The following PCNX2 variants were observed in gnomAD, a reference collection of about 807,000 sequenced individuals.
PCNX2 encodes the protein pecanex-like protein 2.
PCNX2 carries 168 observed loss-of-function variants against 223.8 expected under a neutral mutation model. That is an observed-to-expected ratio of 0.75 (90% CI 0.66 to 0.85). The LOEUF (loss-of-function observed/expected upper bound fraction) is 0.85. PCNX2 is among the 40% of genes least tolerant of loss of function. PCNX2 has a pLI of 0.00. For synonymous variants in PCNX2, 1,006 were observed against 1,052.6 expected (o/e 0.96, Z 0.86); for missense variants, 2,507 against 2,675.5 (o/e 0.94, Z 1.39).
intron 15 of PCNX2, among the ~76,000 whole-genome samples, chr1:233,191,299 C>T (rs966242824): frequency 6.6e-6 from 1 of 152,136 alleles, no homozygotes; most frequent in African/African-American, 2.4e-5. Flanking sequence ...AAATATGTGT[C>T]GACTATCACA....
intron 26 of PCNX2, among the ~76,000 whole-genome samples, chr1:233,020,470 G>A (rs932081845): frequency 6.6e-5 from 10 of 152,252 alleles, no homozygotes; most frequent in South Asian, 6.2e-4. Flanking sequence ...CTGAAAGCAG[G>A]ACCCCTCCTG....
intron 21 of PCNX2, among the ~76,000 whole-genome samples, chr1:233,116,026 A>G (rs1675387307): frequency 2.0e-5 from 3 of 152,292 alleles, no homozygotes; most frequent in Admixed American, 6.5e-5. Flanking sequence ...AAGCAAAGAA[A>G]TTACCAGAAA....
intron 1 of PCNX2, among the ~76,000 whole-genome samples, chr1:233,266,922 C>T (rs996935317): frequency 1.3e-5 from 2 of 152,148 alleles, no homozygotes; most frequent in African/African-American, 4.8e-5. Context: ...ACCAACTAAG[C>T]AGTTACAGTT....
At position 232,986,437 on chromosome 1, in the gene PCNX2, T is replaced by C. The variant is rs750562636; in HGVS notation, c.5895A>G (p.Thr1965=). The change falls in exon 33 of 34, where the codon ACA becomes ACG. Residue 1965 remains threonine (T), a synonymous_variant. Transcript: ENST00000258229. ...GCACTGAGGTGGACGTCTGGAGGAATGTTTGGCGGCTCTCTAAGATGGGGC... is the reference window on the plus strand; with the variant it reads ...GCACTGAGGTGGACGTCTGGAGGAACGTTTGGCGGCTCTCTAAGATGGGGC... ...SSGPILESRQ[T]FLQTSTSVHE... The C allele has an allele frequency of 2.5e-6, 4 of 1,607,426 alleles. No homozygotes were observed. The East Asian group carries it at 6.7e-5, about 27-fold the overall frequency.
chr1:233,293,928 C>T (rs1481590581), intron 1 of PCNX2: 2 of 978,540 alleles, frequency 2.0e-6, no homozygotes, highest in African/African-American at 3.5e-5. Context: ...CCACTGGGGC[C>T]CATAGGCTAA....
chr1:233,070,328 T>C (rs1672799283), intron 23 of PCNX2, among the ~76,000 whole-genome samples: 1 of 152,040 alleles, frequency 6.6e-6, no homozygotes, highest in African/African-American at 2.4e-5. Context: ...TTTCAGAAAT[T>C]ATAGGAGGAA....
chr1:233,321,573 T>C, the PCNX2 span, among the ~76,000 whole-genome samples: 1 of 152,172 alleles, frequency 6.6e-6, no homozygotes, highest in Non-Finnish European at 1.5e-5. Context: ...GCTGGGATTA[T>C]AGGCATGAGC....
intron 25 of PCNX2, among the ~76,000 whole-genome samples, chr1:233,025,947 TA>T (rs1671065630): frequency 6.6e-6 from 1 of 152,090 alleles, no homozygotes; most frequent in Non-Finnish European, 1.5e-5. Context: ...CACAAACAAA[TA>T]AATAAACAAA....
Position 233,295,693 on chromosome 1 carries a change from C to A in PCNX2, c.-215G>T. 1 of 452,630 alleles carries A rather than the reference C, an allele frequency of 2.2e-6. No homozygotes were observed. The highest frequency in any genetic ancestry group is 3.6e-6 in the Non-Finnish European group (1 of 280,746). 28.0% of individuals were successfully genotyped at this position (452,630 alleles called of 1,614,324 possible). A position where few individuals can be genotyped will look rare whatever the true frequency, so the allele number is the denominator to read the frequency against. On this transcript the variant is annotated 5_prime_UTR_variant, in exon 1 of 34. Transcript: ENST00000258229. This position sits in a 1 kb window ranked among gnomAD's most constrained non-coding sequence, Gnocchi z 4.1. ...ACCGCGGCGCCGGAGCCGGCTGCTG[C>A]GGCCGGGCAGGTGAGCGCCATGTCC...
intron 1 of PCNX2, among the ~76,000 whole-genome samples, chr1:233,280,559 A>G (rs1572197743): frequency 6.6e-6 from 1 of 152,072 alleles, no homozygotes; most frequent in Non-Finnish European, 1.5e-5. Flanking sequence ...AGGCCTCCCA[A>G]AGTGTTGGGA....
intron 1 of PCNX2, among the ~76,000 whole-genome samples, chr1:233,267,003 G>A (rs373000101): frequency 1.3e-5 from 2 of 150,690 alleles, no homozygotes; most frequent in African/African-American, 2.4e-5. Context: ...TCACTACTCT[G>A]TTTTTTTTTC....
chr1:233,321,442 C>T, the PCNX2 span, among the ~76,000 whole-genome samples: 10 of 152,202 alleles, frequency 6.6e-5, no homozygotes, highest in Admixed American at 3.3e-4. Context: ...GGATTACAGG[C>T]GGGAGCCACC....
At chr1:233,021,037 A>G (rs1670871383) in intron 26 of PCNX2, among the ~76,000 whole-genome samples, 2 of 149,768 alleles carry the variant, frequency 1.3e-5, no homozygotes, top group South Asian at 4.2e-4. Flanking sequence ...AAAGAAGAAA[A>G]TCATCTTTTT....
At chr1:233,058,419 A>G (rs1022451531) in intron 23 of PCNX2, 2 of 152,218 alleles carry the variant, frequency 1.3e-5, no homozygotes, top group African/African-American at 4.8e-5. Context: ...TTAAAGAATG[A>G]AATATGAAAT....
intron 8 of PCNX2, among the ~76,000 whole-genome samples, chr1:233,248,296 G>A (rs369211890): frequency 2.0e-5 from 3 of 152,008 alleles, no homozygotes; most frequent in Non-Finnish European, 2.9e-5. Flanking sequence ...GGGGAACCTC[G>A]AATCCAGCTG....
At chr1:233,306,525 G>A in the PCNX2 span, among the ~76,000 whole-genome samples, 3 of 152,176 alleles carry the variant, frequency 2.0e-5, no homozygotes, top group Non-Finnish European at 4.4e-5. Flanking sequence ...TCTATCTGGG[G>A]AAAGCAGGGC....
At chr1:233,116,499 G>C (rs1032603670) in intron 21 of PCNX2, among the ~76,000 whole-genome samples, 2 of 151,820 alleles carry the variant, frequency 1.3e-5, no homozygotes, top group African/African-American at 2.4e-5. Context: ...ATAATAGAAA[G>C]ATAACACAAA....
Position 233,046,766 on chromosome 1 carries a change from C to G in PCNX2, c.4351+7502G>C, listed in dbSNP as rs568903522. Among the ~76,000 whole-genome samples the G allele has an allele frequency of 4.9e-3, 749 of 152,326 alleles. 7 individuals carry two copies. Among genetic ancestry groups the G allele is most frequent in the African/African-American group, 0.018 (730 of 41,576 alleles). On this transcript the variant is annotated intron_variant, in intron 25 of 33. Transcript: ENST00000258229. ...ACATCTGTCAGTTCTAAGCCTCCTT[C>G]TGTATTTCATCTGATGAAATTCAAG...
In PCNX2 at chr1:232,999,099, A is replaced by C. The variant is rs1415998791; in HGVS notation, c.5603+6T>G. On this transcript the variant is annotated splice_donor_region_variant and intron_variant, in intron 31 of 33. Transcript: ENST00000258229. ...CTGGACAGAGGCATTTGTTGTAAAA[A>C]CTTACCTTACCCACTTGGTCCAGAA... 1.8e-5 allele frequency: 29 copies of C among 1,595,710 alleles called. No individual in the cohort carries two copies. Among genetic ancestry groups the C allele is most frequent in the Non-Finnish European group, 2.4e-5 (28 of 1,167,846 alleles).
Sources: allele counts gnomAD v4.1 joint callset (sites outside exome capture counted in the v4.1 genomes callset), GRCh38; gene constraint gnomAD v4.1.1; non-coding constraint Gnocchi (gnomAD v3.1); transcripts MANE v1.5; gene names NCBI Gene and HGNC (gene_info 2026-07-23, HGNC 2026-07-21).